The following SLC35D4 variants were observed in gnomAD, a reference collection of about 807,000 sequenced individuals.
SLC35D4 encodes UDP-N-acetylglucosamine transporter SLC35D4.
chr18:23,422,247 T>A, the SLC35D4 span, among the ~76,000 whole-genome samples: 2 of 152,052 alleles, frequency 1.3e-5, no homozygotes, highest in East Asian at 3.9e-4. Flanking sequence ...GTATACCTTG[T>A]GCCCAATAGA....
the SLC35D4 span, among the ~76,000 whole-genome samples, chr18:23,276,334 C>G: frequency 6.6e-6 from 1 of 151,982 alleles, no homozygotes; most frequent in Non-Finnish European, 1.5e-5. Flanking sequence ...GTGATCCACC[C>G]GCCTTGGCCT....
At chr18:23,242,236 C>G in the SLC35D4 span, among the ~76,000 whole-genome samples, 1 of 152,122 alleles carries the variant, frequency 6.6e-6, no homozygotes, top group Non-Finnish European at 1.5e-5. Flanking sequence ...TGAGATCACA[C>G]TATTGCACTC....
At chr18:23,272,922 A>G in the SLC35D4 span, among the ~76,000 whole-genome samples, 1 of 152,126 alleles carries the variant, frequency 6.6e-6, no homozygotes, top group African/African-American at 2.4e-5. Flanking sequence ...ACATCCCCAC[A>G]TGGAAAGACC....
the SLC35D4 span, among the ~76,000 whole-genome samples, chr18:23,275,824 G>T: frequency 6.6e-6 from 1 of 152,200 alleles, no homozygotes; most frequent in Non-Finnish European, 1.5e-5. Context: ...TGCTAGGTAA[G>T]AATAAAGGGC....
chr18:23,356,646 G>A, the SLC35D4 span: 1 of 1,614,140 alleles, frequency 6.2e-7, no homozygotes, highest in Non-Finnish European at 8.5e-7. This position sits in a 1 kb window ranked among gnomAD's most constrained non-coding sequence, Gnocchi z 4.1. Flanking sequence ...GGGAAGTCCA[G>A]GACGCTGAAG....
At chr18:23,328,218 A>G in the SLC35D4 span, among the ~76,000 whole-genome samples, 1 of 152,208 alleles carries the variant, frequency 6.6e-6, no homozygotes, top group African/African-American at 2.4e-5. Context: ...ATCAGGCAGG[A>G]GAAAGAAATA....
the SLC35D4 span, chr18:23,352,353 T>C: frequency 7.7e-7 from 1 of 1,307,136 alleles, no homozygotes; most frequent in Non-Finnish European, 1.1e-6. Context: ...GGCTGACTAG[T>C]GTCTGCTACA....
At chr18:23,317,963 C>T in the SLC35D4 span, among the ~76,000 whole-genome samples, 1 of 152,138 alleles carries the variant, frequency 6.6e-6, no homozygotes, top group Non-Finnish European at 1.5e-5. Flanking sequence ...ATCTCGAACT[C>T]CTGACCTCAA....
chr18:23,354,348 A>G, the SLC35D4 span, among the ~76,000 whole-genome samples: 1 of 82,604 alleles, frequency 1.2e-5, no homozygotes, highest in African/African-American at 3.7e-5. Flanking sequence ...AAAAATACAA[A>G]AAAAAAAAAA....
At chr18:23,285,392 C>T in the SLC35D4 span, among the ~76,000 whole-genome samples, 4 of 152,068 alleles carry the variant, frequency 2.6e-5, no homozygotes, top group African/African-American at 7.2e-5. Context: ...AAAATCTAAG[C>T]GTCTTATTTT....
the SLC35D4 span, among the ~76,000 whole-genome samples, chr18:23,396,062 G>A: frequency 6.6e-6 from 1 of 152,120 alleles, no homozygotes; most frequent in African/African-American, 2.4e-5. Context: ...TGTAGTGAAT[G>A]GACAGCTACA....
At chr18:23,356,476 TC>T in the SLC35D4 span, 3 of 1,023,328 alleles carry the variant, frequency 2.9e-6, no homozygotes, top group African/African-American at 4.7e-5. The surrounding 1 kb of genome is among the most constrained non-coding windows in gnomAD (Gnocchi z 4.1). Context: ...CTTGCCTGCA[TC>T]CACCACCACT....
the SLC35D4 span, among the ~76,000 whole-genome samples, chr18:23,369,801 TAG>T: frequency 6.6e-6 from 1 of 152,130 alleles, no homozygotes; most frequent in South Asian, 2.1e-4. Flanking sequence ...CCCAGGCCTG[TAG>T]AGTCTCTGGC....
At chr18:23,256,764 C>T in the SLC35D4 span, among the ~76,000 whole-genome samples, 2 of 152,262 alleles carry the variant, frequency 1.3e-5, no homozygotes, top group East Asian at 1.9e-4. Context: ...GGATGACAGG[C>T]GTGAGCCACC....
At chr18:23,393,438 C>T in the SLC35D4 span, among the ~76,000 whole-genome samples, 2 of 152,210 alleles carry the variant, frequency 1.3e-5, no homozygotes, top group African/African-American at 4.8e-5. Context: ...CCCTGATAGC[C>T]ACCATACTAC....
At chr18:23,279,306 A>C in the SLC35D4 span, among the ~76,000 whole-genome samples, 1,547 of 152,294 alleles carry the variant, frequency 0.01, 24 homozygotes, top group African/African-American at 0.035. Flanking sequence ...CATCTCCCCC[A>C]TCAACTTCTG....
the SLC35D4 span, among the ~76,000 whole-genome samples, chr18:23,432,042 A>C: frequency 6.6e-6 from 1 of 152,124 alleles, no homozygotes; most frequent in African/African-American, 2.4e-5. Flanking sequence ...GTTGTTCTAC[A>C]CTTCCTCTTC....
chr18:23,301,236 T>C, the SLC35D4 span, among the ~76,000 whole-genome samples: 3 of 152,238 alleles, frequency 2.0e-5, no homozygotes, highest in Non-Finnish European at 2.9e-5. Flanking sequence ...TAAATTATGA[T>C]AAAATTTGAG....
chr18:23,247,122 C>T, the SLC35D4 span, among the ~76,000 whole-genome samples: 1 of 152,238 alleles, frequency 6.6e-6, no homozygotes, highest in Admixed American at 6.5e-5. Flanking sequence ...GTGGCTCAAT[C>T]TCCTAGTACA....
Sources: allele counts gnomAD v4.1 joint callset (sites outside exome capture counted in the v4.1 genomes callset), GRCh38; gene constraint gnomAD v4.1.1; non-coding constraint Gnocchi (gnomAD v3.1); transcripts MANE v1.5; gene names NCBI Gene and HGNC (gene_info 2026-07-23, HGNC 2026-07-21).